Variants in BAZ2B observed in about 807,000 individuals in gnomAD.
BAZ2B encodes bromodomain adjacent to zinc finger domain 2B.
Under a neutral mutation model 246.0 loss-of-function variants are expected in BAZ2B, and 91 were observed. That is an observed-to-expected ratio of 0.37 (90% CI 0.31 to 0.44). BAZ2B has a LOEUF of 0.44. Among genes scored for constraint, BAZ2B ranks in the 20% least tolerant of loss-of-function variants. The pLI, the probability that BAZ2B is intolerant of heterozygous loss-of-function variation, is 1.00. For synonymous variants in BAZ2B, 855 were observed against 860.0 expected (o/e 0.99, Z 0.10); for missense variants, 2,332 against 2,533.7 (o/e 0.92, Z 1.71).
chr2:159,488,784 G>A (rs1297499901), intron 2 of BAZ2B, among the ~76,000 whole-genome samples: 1 of 152,010 alleles, frequency 6.6e-6, no homozygotes, highest in Non-Finnish European at 1.5e-5. Context: ...ACAATGAAAT[G>A]AGCTATTTTA....
intron 2 of BAZ2B, among the ~76,000 whole-genome samples, chr2:159,543,611 T>C (rs2086922796): frequency 6.6e-6 from 1 of 151,150 alleles, no homozygotes; most frequent in Non-Finnish European, 1.5e-5. Context: ...TCAAGGCTCA[T>C]TGCAACCTCT....
At chr2:159,395,247 CAA>C (rs1424550991) in intron 20 of BAZ2B, among the ~76,000 whole-genome samples, 3 of 152,280 alleles carry the variant, frequency 2.0e-5, no homozygotes, top group African/African-American at 7.2e-5. Context: ...ATATCTATTT[CAA>C]CCTTTAAGTG....
intron 2 of BAZ2B, among the ~76,000 whole-genome samples, chr2:159,495,550 A>G (rs1370704628): frequency 6.6e-6 from 1 of 150,828 alleles, no homozygotes; most frequent in Non-Finnish European, 1.5e-5. Context: ...TTCTGAAAAT[A>G]GATTGCCATC....
At chr2:159,495,281 C>A (rs528421742) in intron 2 of BAZ2B, among the ~76,000 whole-genome samples, 1 of 150,866 alleles carries the variant, frequency 6.6e-6, no homozygotes, top group Non-Finnish European at 1.5e-5. Context: ...GTCAGGAGAT[C>A]GAGACCATCC....
chr2:159,703,011 T>G, the BAZ2B span, among the ~76,000 whole-genome samples: 1 of 151,758 alleles, frequency 6.6e-6, no homozygotes, highest in Admixed American at 6.6e-5. Context: ...ACCACTGCAC[T>G]CCAGCCTGGG....
At chr2:159,575,058 T>C (rs1464912550) in intron 1 of BAZ2B, among the ~76,000 whole-genome samples, 2 of 152,204 alleles carry the variant, frequency 1.3e-5, no homozygotes, top group Non-Finnish European at 2.9e-5. Context: ...GAAAGCATTA[T>C]GTTACATGAC....
At chr2:159,711,561 T>TA in the BAZ2B span, among the ~76,000 whole-genome samples, 1,238 of 152,198 alleles carry the variant, frequency 8.1e-3, 6 homozygotes, top group Middle Eastern at 0.014. Flanking sequence ...AATAGGTCAT[T>TA]AAAAAAAATC....
chr2:159,575,432 GAGT>G (rs1307584776), intron 1 of BAZ2B, among the ~76,000 whole-genome samples: 1 of 152,162 alleles, frequency 6.6e-6, no homozygotes, highest in African/African-American at 2.4e-5. Context: ...TCTAGACACA[GAGT>G]TATAAAGAGT....
At chr2:159,603,883 T>G (rs968611403) in intron 1 of BAZ2B, among the ~76,000 whole-genome samples, 1 of 152,220 alleles carries the variant, frequency 6.6e-6, no homozygotes, top group African/African-American at 2.4e-5. Flanking sequence ...AGGAATAGGT[T>G]CATGACACTA....
chr2:159,537,436 G>A (rs906852144), intron 2 of BAZ2B, among the ~76,000 whole-genome samples: 6 of 152,240 alleles, frequency 3.9e-5, no homozygotes, highest in Admixed American at 1.3e-4. Context: ...ACTGTTACCT[G>A]TCTGTGTTAA....
In BAZ2B at chr2:159,528,088, A is replaced by G. The variant is rs186114655; in HGVS notation, c.-3+27735T>C. On this transcript the variant is annotated intron_variant, in intron 2 of 36. Transcript: ENST00000392783. ...AGACAGGCTGTGGAAGATTTCATATACCCTGTAAATGAGATTAAATTTTAT... is the reference window on the plus strand; with the variant it reads ...AGACAGGCTGTGGAAGATTTCATATGCCCTGTAAATGAGATTAAATTTTAT... Among the ~76,000 whole-genome samples, 8 of 152,292 alleles carry G rather than the reference A, an allele frequency of 5.3e-5. No individual in the cohort carries two copies. In the South Asian group the frequency reaches 6.2e-4, roughly 12 times the overall value.
chr2:159,417,173 T>G (rs2067875177), intron 13 of BAZ2B, among the ~76,000 whole-genome samples: 1 of 150,748 alleles, frequency 6.6e-6, no homozygotes. Context: ...GTTTTTTTTT[T>G]TGTTTTTTTT....
At chr2:159,688,985 T>C in the BAZ2B span, among the ~76,000 whole-genome samples, 1 of 152,176 alleles carries the variant, frequency 6.6e-6, no homozygotes, top group Non-Finnish European at 1.5e-5. Flanking sequence ...TAGTTGCTAT[T>C]TTTTTTTCCA....
Position 159,325,793 on chromosome 2 carries a change from A to G in BAZ2B, c.6069T>C (p.Ser2023=), listed in dbSNP as rs761982232. 78 of 1,609,358 alleles carry G rather than the reference A, an allele frequency of 4.8e-5. No individual in the cohort carries two copies. Among genetic ancestry groups the G allele is most frequent in the Non-Finnish European group, 6.5e-5 (77 of 1,178,874 alleles). ...DTEDEDSAST[S]SSLKRGNKDL... Reference sequence around the variant, plus strand: ...CTTTGTTTCCTCTTTTTAGTGAACTACTTGTAGATGCAGAGTCTTCATCTT... The same window carrying G: ...CTTTGTTTCCTCTTTTTAGTGAACTGCTTGTAGATGCAGAGTCTTCATCTT... Residue 2023 remains serine (S), a synonymous_variant, in exon 35 of 37, where the codon AGT becomes AGC. Transcript: ENST00000392783.
the BAZ2B span, among the ~76,000 whole-genome samples, chr2:159,645,924 C>G: frequency 6.6e-6 from 1 of 152,086 alleles, no homozygotes; most frequent in African/African-American, 2.4e-5. Context: ...GGAGGCAGGG[C>G]AAGATCACAG....
chr2:159,688,052 G>A, the BAZ2B span, among the ~76,000 whole-genome samples: 2 of 152,064 alleles, frequency 1.3e-5, no homozygotes, highest in Non-Finnish European at 2.9e-5. Flanking sequence ...TTTTACTATT[G>A]TTTTTTAAGG....
At chr2:159,660,171 C>T in the BAZ2B span, among the ~76,000 whole-genome samples, 1 of 152,122 alleles carries the variant, frequency 6.6e-6, no homozygotes, top group African/African-American at 2.4e-5. Context: ...TATTAATTTG[C>T]CTCTATGAGG....
chr2:159,609,349 TAA>T (rs1453555976), intron 1 of BAZ2B, among the ~76,000 whole-genome samples: 1 of 152,198 alleles, frequency 6.6e-6, no homozygotes, highest in Non-Finnish European at 1.5e-5. Flanking sequence ...AATCCAGTTA[TAA>T]AGTCATGCCA....
intron 1 of BAZ2B, among the ~76,000 whole-genome samples, chr2:159,585,023 G>A (rs7562850): frequency 0.55 from 83,955 of 151,998 alleles, 23,949 homozygotes; most frequent in East Asian, 0.74. Flanking sequence ...ACAGCCTGCA[G>A]AACCATAAGC....
Sources: gnomAD v4.1 joint callset for allele counts (sites outside exome capture counted in the v4.1 genomes callset) on GRCh38, gnomAD v4.1.1 for gene constraint, MANE v1.5 for transcripts, NCBI Gene and HGNC (gene_info 2026-07-23, HGNC 2026-07-21) for gene names.